TSPAN32: variants seen among roughly 807,000 people sequenced by gnomAD.
TSPAN32 encodes the protein tetraspanin 32, also known as tetraspanin-32.
In TSPAN32, 47 loss-of-function variants were observed where a neutral mutation model predicts 42.7. The observed-to-expected ratio is 1.10, with a 90% confidence interval of 0.87 to 1.40. TSPAN32 has a LOEUF of 1.40. TSPAN32 is among the 40% of genes most tolerant of loss of function. TSPAN32 has a pLI of 0.00. For synonymous variants in TSPAN32, 175 were observed against 175.9 expected (o/e 0.99, Z 0.04); for missense variants, 469 against 424.1 (o/e 1.11, Z -0.93).
Position 2,302,900 on chromosome 11 carries a change from T to G in TSPAN32, c.123T>G (p.Phe41Leu), listed in dbSNP as rs576767301. 1.2e-5 allele frequency: 20 copies of G among 1,613,704 alleles called. No individual in the cohort carries two copies. Among genetic ancestry groups the G allele is most frequent in the Non-Finnish European group, 1.7e-5 (20 of 1,179,840 alleles). The change falls in exon 2 of 10, where the codon TTT becomes TTG. Residue 41 changes from phenylalanine (F) to leucine (L), a missense_variant. By Grantham distance (22) the Phe-to-Leu change is conservative. Transcript: ENST00000182290. ...CTCTTACCTACTTCGGGGCCCACTT[T>G]GCTGTCATCCGCCGAGCGTCCCTGG... ...MVTLTYFGAH[F>L]AVIRRASLEK...
At chr11:2,315,580 C>A in intron 6 of TSPAN32, 1 of 1,176,956 alleles carries the variant, frequency 8.5e-7, no homozygotes, top group Non-Finnish European at 1.1e-6. Context: ...CCCAGATGGG[C>A]TGGCATGGGC....
intron 2 of TSPAN32, 108 bp downstream of exon 2, chr11:2,303,066 C>A (rs1847859805): frequency 9.4e-7 from 1 of 1,060,764 alleles, no homozygotes; most frequent in African/African-American, 1.6e-5. Context: ...AGGCCCTAGG[C>A]AGGAGCCAGA....
chr11:2,309,427 G>A, intron 4 of TSPAN32: 1 of 456,032 alleles, frequency 2.2e-6, no homozygotes, highest in Non-Finnish European at 4.5e-6. Flanking sequence ...GCAGCTTGGA[G>A]AGGAAGGAGG....
At chr11:2,314,661 ACCCCACCCCTTGGCCT>A in intron 6 of TSPAN32, 90 bp downstream of exon 6, 1 of 1,067,014 alleles carries the variant, frequency 9.4e-7, no homozygotes, top group Non-Finnish European at 1.4e-6. Context: ...CCATCCTCCC[ACCCCACCCCTTGGCCT>A]CCCCAGACCC....
intron 3 of TSPAN32, among the ~76,000 whole-genome samples, chr11:2,307,536 C>T (rs1478698410): frequency 6.6e-6 from 1 of 152,098 alleles, no homozygotes; most frequent in Admixed American, 6.5e-5. Flanking sequence ...GGCGGCTGCC[C>T]AGACCCTGAG....
chr11:2,309,906 C>T (rs1848366540), intron 4 of TSPAN32: 1 of 153,996 alleles, frequency 6.5e-6, no homozygotes, highest in Admixed American at 6.4e-5. Context: ...GACAAAGGCT[C>T]TTGGCCCCAA....
Position 2,317,881 on chromosome 11 carries a change from G to T in TSPAN32, c.920G>T (p.Arg307Leu), listed in dbSNP as rs140477675. 4.1e-5 allele frequency: 61 copies of T among 1,496,350 alleles called. No individual in the cohort carries two copies. Among genetic ancestry groups the T allele is most frequent in the Non-Finnish European group, 5.5e-5 (59 of 1,073,044 alleles). The allele number at this position is 1,496,350 out of a possible 1,614,324, so 92.7% of individuals were successfully genotyped here. A position where few individuals can be genotyped will look rare whatever the true frequency, so the allele number is the denominator to read the frequency against. The change falls in exon 10 of 10, where the codon CGC (arginine) becomes CTC (leucine). Residue 307 changes from arginine (R) to leucine (L), a missense_variant. Physicochemically the swap from Arg to Leu is moderately radical, Grantham distance 102. Coordinates refer to ENST00000182290, the MANE Select transcript of TSPAN32 (RefSeq NM_139022.3). This position sits in a 1 kb window ranked among gnomAD's most constrained non-coding sequence, Gnocchi z 6.2. ...CTCGCAGCTCTCCAGGGCAGAAGTC[G>T]CGGTGGGCTCAGTGGGTGCCCTGAG... ...AAHRALQGRS[R>L]GGLSGCPERG... is the part of the protein sequence containing the mutation.
rs140677453 is a variant in TSPAN32 at position 2,317,419 on chromosome 11, C to T, written c.795C>T (p.Ser265=). The part of the protein sequence containing the change: ...SQGGPTHCLH[S]EAVAIGPRGC... Reference sequence around the variant, plus strand: ...GTGGACCCACACATTGTCTCCACTCCGAAGCAGTTGCTATTGGTCCAAGAG... The same window carrying T: ...GTGGACCCACACATTGTCTCCACTCTGAAGCAGTTGCTATTGGTCCAAGAG... The change falls in exon 9 of 10, where the codon TCC becomes TCT. Residue 265 remains serine (S), a synonymous_variant. Transcript: ENST00000182290. The surrounding 1 kb of genome is among the most constrained non-coding windows in gnomAD (Gnocchi z 6.2). 3.7e-6 allele frequency: 6 copies of T among 1,602,932 alleles called. No homozygotes were observed. Among genetic ancestry groups the T allele is most frequent in the East Asian group, 4.5e-5 (2 of 44,426 alleles).
chr11:2,312,246 G>A (rs1848504146), intron 4 of TSPAN32, among the ~76,000 whole-genome samples: 1 of 152,118 alleles, frequency 6.6e-6, no homozygotes, highest in Non-Finnish European at 1.5e-5. Context: ...AGGAGGGGAG[G>A]TCCGAGCCAA....
rs1170160137 is a variant in TSPAN32, at chr11:2,304,414, AC to A, written c.279+215del. Among the ~76,000 whole-genome samples the A allele has an allele frequency of 6.6e-6, 1 of 151,356 alleles. No homozygotes were observed. The highest frequency in any genetic ancestry group is 2.4e-5 in the African/African-American group (1 of 41,076). ...GCCCCAGGGATGCTAGCCAGCCGAG[AC>A]CCCCTACCTGGGTAGCCAAGGCCCC... On this transcript the variant is annotated intron_variant, in intron 3 of 9. Coordinates refer to ENST00000182290, the MANE Select transcript of TSPAN32 (RefSeq NM_139022.3). This position sits in a 1 kb window ranked among gnomAD's most constrained non-coding sequence, Gnocchi z 4.8.
intron 8 of TSPAN32, 95 bp downstream of exon 8, chr11:2,316,762 G>C: frequency 7.5e-7 from 1 of 1,342,132 alleles, no homozygotes. Flanking sequence ...GGGAGCCCCG[G>C]GACCAAGCCC....
chr11:2,302,377 G>A (rs1405905208), intron 1 of TSPAN32, among the ~76,000 whole-genome samples, 162 bp downstream of exon 1: 1 of 152,212 alleles, frequency 6.6e-6, no homozygotes, highest in South Asian at 2.1e-4. Flanking sequence ...GCAGACAGCC[G>A]CAGGCAGGCA....
chr11:2,308,253 G>A (rs1848227481), intron 3 of TSPAN32, among the ~76,000 whole-genome samples: 1 of 152,124 alleles, frequency 6.6e-6, no homozygotes, highest in Non-Finnish European at 1.5e-5. Flanking sequence ...GCTCTCCCCA[G>A]GCCAAGTCTC....
Position 2,304,076 on chromosome 11 carries a change from C to T in TSPAN32, c.182-31C>T. 6.5e-7 allele frequency: 1 copy of T among 1,540,174 alleles called. No individual in the cohort carries two copies. The highest frequency in any genetic ancestry group is 1.2e-5 in the South Asian group (1 of 84,198). On this transcript the variant is annotated intron_variant, in intron 2 of 9. Transcript: ENST00000182290. This position sits in a 1 kb window ranked among gnomAD's most constrained non-coding sequence, Gnocchi z 4.8. ...GCACTCAGGACCTGTCCTGGGCACC[C>T]CTAACCCTCCTCCTCTCTCCTCCCA... is the stretch of plus-strand genomic sequence containing the variant.
Position 2,315,803 on chromosome 11 carries a change from C to T in TSPAN32, c.544-426C>T, listed in dbSNP as rs532122284. 6.3e-4 allele frequency: 828 copies of T among 1,320,002 alleles called. 1 individual carries two copies. The highest frequency in any genetic ancestry group is 8.0e-4 in the Non-Finnish European group (806 of 1,004,750). The allele number at this position is 1,320,002 out of a possible 1,614,324, so 81.8% of individuals were successfully genotyped here. A position where few individuals can be genotyped will look rare whatever the true frequency, so the allele number is the denominator to read the frequency against. ...GGAAGCTGGGACTGTGCGGGGACCC[C>T]CCTCACACCCCTCCACCAGCTGGCT... On this transcript the variant is annotated intron_variant, in intron 6 of 9. Coordinates refer to ENST00000182290, the MANE Select transcript of TSPAN32 (RefSeq NM_139022.3).
chr11:2,307,357 G>C (rs1295733636), intron 3 of TSPAN32, among the ~76,000 whole-genome samples: 1 of 152,206 alleles, frequency 6.6e-6, no homozygotes, highest in Non-Finnish European at 1.5e-5. Flanking sequence ...GGGTTTGAAG[G>C]GCCCAGACCC....
intron 3 of TSPAN32, among the ~76,000 whole-genome samples, chr11:2,305,573 G>A (rs1051558273): frequency 3.3e-5 from 5 of 152,218 alleles, no homozygotes; most frequent in African/African-American, 1.2e-4. Flanking sequence ...GGGCCACGGG[G>A]CTCCTGTCCC....
At chr11:2,309,469 G>A (rs1286834668) in intron 4 of TSPAN32, 3 of 423,590 alleles carry the variant, frequency 7.1e-6, no homozygotes, top group African/African-American at 6.1e-5. Flanking sequence ...TGAGAGCTCG[G>A]TAGCAGAGCC....
rs1489019251 is a variant in TSPAN32 at position 2,304,907 on chromosome 11, C to A, written c.279+703C>A. 2.0e-5 allele frequency among the ~76,000 whole-genome samples: 3 copies of A among 152,316 alleles called. No homozygotes were observed. Among genetic ancestry groups the A allele is most frequent in the South Asian group, 4.1e-4 (2 of 4,824 alleles). On this transcript the variant is annotated intron_variant, in intron 3 of 9. Coordinates refer to ENST00000182290, the MANE Select transcript of TSPAN32 (RefSeq NM_139022.3). This position sits in a 1 kb window ranked among gnomAD's most constrained non-coding sequence, Gnocchi z 4.8. ...CTAGGCCCACAGCCCTCTTCTCTCA[C>A]CCCAGCTGGGGCAGCTCCTCCCTGG...
Sources: gnomAD v4.1 joint callset for allele counts (sites outside exome capture counted in the v4.1 genomes callset) on GRCh38, gnomAD v4.1.1 for gene constraint, Gnocchi (gnomAD v3.1) non-coding constraint, MANE v1.5 for transcripts, NCBI Gene and HGNC (gene_info 2026-07-23, HGNC 2026-07-21) for gene names.